Variants in FANCB observed in about 807,000 individuals in gnomAD.
The protein encoded by FANCB is FA complementation group B.
Under a neutral mutation model 38.9 loss-of-function variants are expected in FANCB, and 5 were observed. That is an observed-to-expected ratio of 0.13 (90% CI 0.07 to 0.27). FANCB has a LOEUF of 0.27. Among genes scored for constraint, FANCB ranks in the 10% least tolerant of loss-of-function variants. The pLI, the probability that FANCB is intolerant of heterozygous loss-of-function variation, is 1.00. For missense variants in FANCB, 573 were observed against 602.7 expected, an observed-to-expected ratio of 0.95 and a Z score of 0.52; for synonymous variants, 236 against 215.4, an observed-to-expected ratio of 1.10 and a Z score of -0.84.
Position 14,865,275 on chromosome X carries a change from C to G in FANCB, c.236G>C (p.Cys79Ser), listed in dbSNP as rs763724576. The stretch of plus-strand genomic sequence containing the variant: ...AGTTCTGAAATCTGACACACAGTTG[C>G]AACACATGATTTTTAAATGAGAGTT... ...EENSHLKIMC[C>S]NCVSDFRTGI... The change falls in exon 3 of 10, where the codon TGC becomes TCC. Residue 79 changes from cysteine to serine, a missense_variant. Physicochemically the swap from Cys to Ser is moderately radical, Grantham distance 112. Coordinates refer to ENST00000650831, the MANE Select transcript of FANCB (RefSeq NM_001018113.3). The G allele has an allele frequency of 8.7e-7, 1 of 1,152,040 alleles. No homozygotes were observed. The highest frequency in any genetic ancestry group is 2.1e-5 in the South Asian group (1 of 47,966). 94.9% of individuals were successfully genotyped at this position (1,152,040 alleles called of 1,213,427 possible).
chrX:14,830,819 A>AG, the FANCB span, among the ~76,000 whole-genome samples: 1 of 112,120 alleles, frequency 8.9e-6, no homozygotes, highest in African/African-American at 3.2e-5. Flanking sequence ...CCTTTCCACT[A>AG]GTGTGTTGCA....
At chrX:14,742,581 T>C in the FANCB span, among the ~76,000 whole-genome samples, 6,449 of 111,823 alleles carry the variant, frequency 0.058, 222 homozygotes, top group East Asian at 0.12. Flanking sequence ...CTAGTTCTCA[T>C]TTCCCTTCCT....
chrX:14,769,915 A>G, the FANCB span, among the ~76,000 whole-genome samples: 1 of 112,255 alleles, frequency 8.9e-6, no homozygotes, highest in Non-Finnish European at 1.9e-5. Flanking sequence ...TGTTTACCCA[A>G]GAGTCATTCA....
chrX:14,796,778 C>T, the FANCB span, among the ~76,000 whole-genome samples: 4 of 106,108 alleles, frequency 3.8e-5, no homozygotes, highest in Admixed American at 3.2e-4. Context: ...ACATGATTAT[C>T]GAAGCTGAGT....
chrX:14,752,438 A>G, the FANCB span, among the ~76,000 whole-genome samples: 1 of 112,435 alleles, frequency 8.9e-6, no homozygotes, highest in Admixed American at 9.4e-5. Flanking sequence ...AGGGAAGTTT[A>G]AGAGGTTACC....
intron 10 of FANCB, among the ~76,000 whole-genome samples, chrX:14,837,013 T>A (rs2092342986): frequency 8.9e-6 from 1 of 112,398 alleles, no homozygotes; most frequent in African/African-American, 3.2e-5. Flanking sequence ...TGCATGAGAA[T>A]GTGTTCAATG....
At chrX:14,832,939 TGTAA>T (rs1324210926), downstream of FANCB, among the ~76,000 whole-genome samples, 1 of 112,147 alleles carries the variant, frequency 8.9e-6, no homozygotes, top group African/African-American at 3.2e-5. Context: ...TTTCTTTTAG[TGTAA>T]GTCTTAATGA....
chrX:14,730,524 T>C, the FANCB span: 2 of 1,059,763 alleles, frequency 1.9e-6, no homozygotes, highest in Non-Finnish European at 1.3e-6. Context: ...TGCCTCAGTG[T>C]TGTGCTTGTA....
chrX:14,721,270 G>C, the FANCB span, among the ~76,000 whole-genome samples: 1 of 111,018 alleles, frequency 9.0e-6, no homozygotes, highest in Non-Finnish European at 1.9e-5. Context: ...ATAGCATGGT[G>C]ACTATAGTTA....
At chrX:14,801,637 C>CATGTGT in the FANCB span, among the ~76,000 whole-genome samples, 1 of 111,211 alleles carries the variant, frequency 9.0e-6, no homozygotes, top group Non-Finnish European at 1.9e-5. Context: ...ACCGTGTGTG[C>CATGTGT]ATGTGTGTGT....
the FANCB span, among the ~76,000 whole-genome samples, chrX:14,820,714 A>C: frequency 9.8e-5 from 11 of 112,059 alleles, no homozygotes; most frequent in Non-Finnish European, 1.9e-4. Context: ...TAAAAAAGAT[A>C]ACTGAGAAAG....
At chrX:14,768,592 C>A in the FANCB span, among the ~76,000 whole-genome samples, 2 of 111,736 alleles carry the variant, frequency 1.8e-5, no homozygotes, top group African/African-American at 6.5e-5. Flanking sequence ...AATATAAAAT[C>A]ATGTCATCTG....
intron 4 of FANCB, 107 bp downstream of exon 4, chrX:14,859,075 T>G: frequency 2.0e-6 from 1 of 489,087 alleles, no homozygotes. Context: ...AGTTCAAAAT[T>G]TTAAGTATAA....
In FANCB at chrX:14,861,871, G is replaced by C. The variant is rs182853664; in HGVS notation, c.952-2537C>G. ...AAATTAATTTTTTTTTTTGCAGACAGATCTTGCTCTGTCAACCAGCTGGAG... is the reference window on the plus strand; with the variant it reads ...AAATTAATTTTTTTTTTTGCAGACACATCTTGCTCTGTCAACCAGCTGGAG... On this transcript the variant is annotated intron_variant, in intron 3 of 9. Coordinates refer to ENST00000650831, the MANE Select transcript of FANCB (RefSeq NM_001018113.3). Among the ~76,000 whole-genome samples, 831 of 110,053 alleles carry C rather than the reference G, an allele frequency of 7.6e-3. 1 individual carries two copies. Among genetic ancestry groups the C allele is most frequent in the Middle Eastern group, 0.019 (4 of 216 alleles).
the FANCB span, among the ~76,000 whole-genome samples, chrX:14,706,243 C>T: frequency 9.0e-6 from 1 of 111,572 alleles, no homozygotes; most frequent in Non-Finnish European, 1.9e-5. Flanking sequence ...GCCTCTCAGG[C>T]CCTACCCCAG....
At chrX:14,848,807 G>A (rs1484163613) in intron 7 of FANCB, among the ~76,000 whole-genome samples, 2 of 110,552 alleles carry the variant, frequency 1.8e-5, no homozygotes, top group African/African-American at 6.6e-5. Context: ...ATAATCAAAC[G>A]ACCCTAAATC....
At chrX:14,810,512 G>A in the FANCB span, among the ~76,000 whole-genome samples, 7 of 112,308 alleles carry the variant, frequency 6.2e-5, no homozygotes, top group Admixed American at 9.4e-5. Flanking sequence ...AGAACTACGC[G>A]AAGAAAGCAG....
chrX:14,813,112 A>G, the FANCB span, among the ~76,000 whole-genome samples: 1 of 107,287 alleles, frequency 9.3e-6, no homozygotes. Flanking sequence ...ACAAAATTCA[A>G]CAACCCTTCA....
intron 4 of FANCB, among the ~76,000 whole-genome samples, chrX:14,858,429 A>T (rs750291788): frequency 1.8e-5 from 2 of 111,063 alleles, no homozygotes; most frequent in Non-Finnish European, 3.8e-5. Context: ...GGCAAACTAT[A>T]TATTTTCCCC....
Sources: allele counts gnomAD v4.1 joint callset (sites outside exome capture counted in the v4.1 genomes callset), GRCh38; gene constraint gnomAD v4.1.1; transcripts MANE v1.5; gene names NCBI Gene and HGNC (gene_info 2026-07-23, HGNC 2026-07-21).